Variants in FMO5 observed in about 807,000 individuals in gnomAD.
FMO5 encodes the protein flavin-containing monooxygenase 5.
FMO5 carries 51 observed loss-of-function variants against 43.6 expected under a neutral mutation model. The ratio of observed to expected loss-of-function variants is 1.17; its 90% CI spans 0.93 to 1.48. The LOEUF (loss-of-function observed/expected upper bound fraction) is 1.48. Among genes scored for constraint, FMO5 ranks in the 40% most tolerant of loss-of-function variants. The probability of loss-of-function intolerance (pLI) is 0.00; values close to 1 mark genes in which losing one functional copy is unlikely to be tolerated. For missense variants in FMO5, 644 were observed against 643.0 expected (o/e 1.00, Z -0.02); for synonymous variants, 187 against 216.5 (o/e 0.86, Z 1.20).
chr1:147,195,092 C>A (rs1553919480), intron 7 of FMO5, among the ~76,000 whole-genome samples: 1 of 152,056 alleles, frequency 6.6e-6, no homozygotes, highest in African/African-American at 2.4e-5. Flanking sequence ...GGATAATATC[C>A]TGCAGAGTGT....
At chr1:147,203,509 G>T (rs55943908) in intron 6 of FMO5, 33,384 of 865,664 alleles carry the variant, frequency 0.039, 1,089 homozygotes, top group South Asian at 0.094. Context: ...TCCTTCTTGA[G>T]GTACTGCATA....
intron 7 of FMO5, among the ~76,000 whole-genome samples, chr1:147,193,748 T>C (rs1657375996): frequency 6.6e-6 from 1 of 152,134 alleles, no homozygotes; most frequent in Admixed American, 6.6e-5. Flanking sequence ...TTATTTCTGC[T>C]TTCGTTTCGT....
intron 2 of FMO5, among the ~76,000 whole-genome samples, chr1:147,220,161 T>G (rs1662764895): frequency 6.6e-6 from 1 of 152,112 alleles, no homozygotes; most frequent in Non-Finnish European, 1.5e-5. Context: ...TATACTAGAA[T>G]GAACAACTGG....
chr1:147,190,384 C>G (rs1160912617), intron 7 of FMO5, 135 bp from the exon 8 acceptor site: 2 of 578,342 alleles, frequency 3.5e-6, no homozygotes, highest in Non-Finnish European at 6.1e-6. Context: ...TTACAATTCA[C>G]TTGATCACCT....
At chr1:147,220,148 T>C (rs1445872886) in intron 2 of FMO5, among the ~76,000 whole-genome samples, 1 of 152,176 alleles carries the variant, frequency 6.6e-6, no homozygotes. Context: ...ATTTGCTTTT[T>C]TATATACTAG....
chr1:147,205,554 G>C (rs1021353944), intron 6 of FMO5, among the ~76,000 whole-genome samples: 1 of 152,134 alleles, frequency 6.6e-6, no homozygotes, highest in Non-Finnish European at 1.5e-5. Context: ...ATGTCAAAGA[G>C]AGAATTATTT....
downstream of FMO5, among the ~76,000 whole-genome samples, chr1:147,185,699 C>A (rs1655557730): frequency 6.6e-6 from 1 of 152,148 alleles, no homozygotes; most frequent in African/African-American, 2.4e-5. Context: ...AAGCAGCAAT[C>A]CAAATACAAA....
intron 6 of FMO5, among the ~76,000 whole-genome samples, chr1:147,205,728 A>G (rs1441449823): frequency 2.6e-5 from 4 of 152,168 alleles, no homozygotes; most frequent in Non-Finnish European, 5.9e-5. Context: ...CAAAGCTGAA[A>G]CTTGATCCCT....
intron 2 of FMO5, 38 bp from the exon 3 acceptor site, chr1:147,215,980 T>C: frequency 6.7e-7 from 1 of 1,496,110 alleles, no homozygotes; most frequent in Non-Finnish European, 9.1e-7. Flanking sequence ...AACTTGAGGA[T>C]CATCTTCATG....
intron 2 of FMO5, among the ~76,000 whole-genome samples, chr1:147,219,655 G>A (rs1018057490): frequency 2.6e-5 from 4 of 151,490 alleles, no homozygotes; most frequent in African/African-American, 9.7e-5. Flanking sequence ...AGAAAGAAAA[G>A]TAAAGGATAT....
In FMO5 at chr1:147,201,426, A is replaced by AT; in HGVS notation, c.908dup (p.Asn303LysfsTer13). The stretch of plus-strand genomic sequence containing the variant: ...CAGCTGTCTCCGTGAATTCCTTCAC[A>AT]TTTCCTTTCACTTTCACCAAGCCAG... On this transcript the variant is annotated frameshift_variant, in exon 7 of 9. Coordinates refer to ENST00000254090, the MANE Select transcript of FMO5 (RefSeq NM_001461.4). LOFTEE classifies it high-confidence loss of function. The AT allele has an allele frequency of 1.2e-6, 2 of 1,614,176 alleles. No individual in the cohort carries two copies. The highest frequency in any genetic ancestry group is 1.7e-6 in the Non-Finnish European group (2 of 1,180,030).
intron 6 of FMO5, chr1:147,204,517 G>C: frequency 1.3e-6 from 2 of 1,565,270 alleles, no homozygotes; most frequent in Non-Finnish European, 1.8e-6. Flanking sequence ...AATCTCATGA[G>C]CTTTTCTGCA....
In FMO5 at chr1:147,215,911, T is replaced by G; in HGVS notation, c.167A>C (p.Tyr56Ser). Residue 56 changes from tyrosine (Y) to serine (S), a missense_variant, in exon 3 of 9, where the codon TAC becomes TCC. By Grantham distance (144) the Tyr-to-Ser change is moderately radical. Transcript: ENST00000254090. Reference sequence around the variant, plus strand: ...AGAAGTATTGATGATCACTGATTTGTAAATACTGGCCCTTCCTTCTTCAGG... The same window carrying G: ...AGAAGTATTGATGATCACTGATTTGGAAATACTGGCCCTTCCTTCTTCAGG... ...ENPEEGRASI[Y>S]KSVIINTSKE... 1.9e-6 allele frequency: 3 copies of G among 1,612,056 alleles called. No individual in the cohort carries two copies. The highest frequency in any genetic ancestry group is 2.5e-6 in the Non-Finnish European group (3 of 1,179,328).
At chr1:147,227,113 G>C (rs1352402158), upstream of FMO5, among the ~76,000 whole-genome samples, 1 of 152,182 alleles carries the variant, frequency 6.6e-6, no homozygotes, top group Non-Finnish European at 1.5e-5. Context: ...ACAGGCATGA[G>C]CCAACAAGGC....
intron 2 of FMO5, among the ~76,000 whole-genome samples, chr1:147,217,059 G>A (rs1199091039): frequency 1.3e-5 from 2 of 151,216 alleles, no homozygotes; most frequent in East Asian, 2.0e-4. Context: ...TGACCAACAT[G>A]GAGAAACCCT....
At chr1:147,199,446 T>G (rs1357556481) in intron 7 of FMO5, among the ~76,000 whole-genome samples, 2 of 152,212 alleles carry the variant, frequency 1.3e-5, no homozygotes, top group African/African-American at 2.4e-5. Context: ...GAATTAGCAC[T>G]AGGCTTCTGC....
At position 147,224,929 on chromosome 1, in the gene FMO5, C is replaced by A; in HGVS notation, c.101G>T (p.Arg34Met). Reference sequence around the variant, plus strand: ...CCAGAGCCCTCCGATGTCATCAGTCCTTTCAAAGCAGACAGGTTCCAAGCC... The same window carrying A: ...CCAGAGCCCTCCGATGTCATCAGTCATTTCAAAGCAGACAGGTTCCAAGCC... ...EEGLEPVCFE[R>M]TDDIGGLWRF... The change falls in exon 2 of 9, where the codon AGG becomes ATG. Residue 34 changes from arginine to methionine, a missense_variant. Transcript: ENST00000254090. The A allele has an allele frequency of 6.2e-7, 1 of 1,614,076 alleles. No individual in the cohort carries two copies. The highest frequency in any genetic ancestry group is 8.5e-7 in the Non-Finnish European group (1 of 1,180,012).
At chr1:147,192,902 G>T (rs1484632461) in intron 7 of FMO5, among the ~76,000 whole-genome samples, 1 of 152,156 alleles carries the variant, frequency 6.6e-6, no homozygotes, top group Non-Finnish European at 1.5e-5. Flanking sequence ...TGAGCTGCTG[G>T]ATTCAGTTTG....
intron 5 of FMO5, chr1:147,210,463 C>G (rs1225326846): frequency 1.3e-5 from 2 of 152,146 alleles, no homozygotes; most frequent in African/African-American, 4.8e-5. Context: ...CTAAAATGAC[C>G]TGTCTACAGA....
Sources: gnomAD v4.1 joint callset for allele counts (sites outside exome capture counted in the v4.1 genomes callset) on GRCh38, gnomAD v4.1.1 for gene constraint, MANE v1.5 for transcripts, NCBI Gene and HGNC (gene_info 2026-07-23, HGNC 2026-07-21) for gene names.